CERT1: variants seen among roughly 807,000 people sequenced by gnomAD.
The protein encoded by CERT1 is ceramide transfer protein.
A neutral mutation model predicts 87.9 loss-of-function variants in CERT1; 31 were observed. The ratio of observed to expected loss-of-function variants is 0.35; its 90% confidence interval spans 0.27 to 0.48. CERT1 has a LOEUF of 0.48. CERT1 is among the 20% of genes least tolerant of loss of function. The probability of loss-of-function intolerance (pLI) is 0.99; values close to 1 mark genes in which losing one functional copy is unlikely to be tolerated. For missense variants in CERT1, 487 were observed against 758.0 expected (o/e 0.64, Z 4.20); for synonymous variants, 289 against 250.9 (o/e 1.15, Z -1.44).
At chr5:75,456,276 C>T (rs1338472261) in intron 3 of CERT1, among the ~76,000 whole-genome samples, 1 of 152,086 alleles carries the variant, frequency 6.6e-6, no homozygotes, top group Non-Finnish European at 1.5e-5. Context: ...ATAGGCTGCT[C>T]AGTTGGCATA....
rs1269395104 is a variant in CERT1, at chr5:75,426,383, G to C, written c.444C>G (p.Thr148=). Residue 148 remains threonine (T), a synonymous_variant, in exon 4 of 17, where the codon ACC becomes ACG. Transcript: ENST00000643780. Reference sequence around the variant, plus strand: ...ATTAACTACACACCTTGAATGAAGAGGTGGATGTTGCAGAGTAGCCACTTG... The same window carrying C: ...ATTAACTACACACCTTGAATGAAGACGTGGATGTTGCAGAGTAGCCACTTG... ...SGASGYSATS[T]SSFKKGHSLR... is the part of the protein sequence containing the mutation. 3.1e-6 allele frequency: 5 copies of C among 1,611,602 alleles called. No homozygotes were observed. The highest frequency in any genetic ancestry group is 4.2e-6 in the Non-Finnish European group (5 of 1,177,846).
Position 75,399,300 on chromosome 5 carries a change from C to G in CERT1, c.1188+10G>C. The G allele has an allele frequency of 6.3e-7, 1 of 1,586,152 alleles. No homozygotes were observed. The highest frequency in any genetic ancestry group is 8.7e-7 in the Non-Finnish European group (1 of 1,154,650). On this transcript the variant is annotated intron_variant, in intron 11 of 16. Transcript: ENST00000643780. ...AAGACTCAAGTCCACTCTATACATT[C>G]ATACAGTACCTGGGAGCTGAATCTG...
At chr5:75,404,291 TAAA>T (rs11349407) in intron 8 of CERT1, among the ~76,000 whole-genome samples, 3 of 84,064 alleles carry the variant, frequency 3.6e-5, no homozygotes, top group African/African-American at 8.7e-5. Context: ...ACCTACTTCA[TAAA>T]AAAAAAAAAA....
At chr5:75,504,157 G>A (rs1767544974) in intron 2 of CERT1, among the ~76,000 whole-genome samples, 1 of 151,872 alleles carries the variant, frequency 6.6e-6, no homozygotes, top group African/African-American at 2.4e-5. Context: ...GGGGAGTGGA[G>A]GATCAAGGAA....
intron 5 of CERT1, among the ~76,000 whole-genome samples, chr5:75,422,177 T>C (rs1763409519): frequency 6.6e-6 from 1 of 152,192 alleles, no homozygotes; most frequent in African/African-American, 2.4e-5. Flanking sequence ...ATTATTTCTT[T>C]TTTAAAGCTC....
chr5:75,424,570 CAA>C (rs201463470), intron 5 of CERT1, among the ~76,000 whole-genome samples: 1 of 77,394 alleles, frequency 1.3e-5, no homozygotes, highest in African/African-American at 5.0e-5. Context: ...GACTCTGTCT[CAA>C]AAAAAAAAAG....
Position 75,379,307 on chromosome 5 carries a change from TAA to T in CERT1, c.*37_*38del, listed in dbSNP as rs761526368. On this transcript the variant is annotated 3_prime_UTR_variant, in exon 17 of 17. Transcript: ENST00000643780. ...GACAGTCATATTAGTCAAATAAAGT[TAA>T]AAAAAGATAAAACATATCTTCTAGT... 5.2e-6 allele frequency: 8 copies of T among 1,545,342 alleles called. 1 individual carries two copies. Among genetic ancestry groups the T allele is most frequent in the Middle Eastern group, 1.7e-4 (1 of 5,820 alleles).
At chr5:75,421,694 C>T (rs1424428523) in intron 5 of CERT1, among the ~76,000 whole-genome samples, 2 of 152,162 alleles carry the variant, frequency 1.3e-5, no homozygotes, top group African/African-American at 4.8e-5. Context: ...CTAAATTAGT[C>T]CCCTGGCATA....
intron 2 of CERT1, among the ~76,000 whole-genome samples, chr5:75,469,939 T>C (rs904044282): frequency 2.0e-5 from 3 of 152,092 alleles, no homozygotes; most frequent in African/African-American, 7.2e-5. Context: ...TCAGATGAAA[T>C]AGACTTTAAG....
At chr5:75,422,507 T>C (rs1221471683) in intron 5 of CERT1, among the ~76,000 whole-genome samples, 3 of 152,062 alleles carry the variant, frequency 2.0e-5, no homozygotes, top group African/African-American at 7.2e-5. Flanking sequence ...TCCCAACTAC[T>C]TGGGAAGGCT....
intron 5 of CERT1, among the ~76,000 whole-genome samples, chr5:75,419,628 C>T (rs2112160294): frequency 6.6e-6 from 1 of 152,228 alleles, no homozygotes; most frequent in East Asian, 1.9e-4. Context: ...CTTAATCTCT[C>T]TCTCTCCCCT....
At chr5:75,407,716 T>C (rs1762770355) in intron 8 of CERT1, among the ~76,000 whole-genome samples, 1 of 152,066 alleles carries the variant, frequency 6.6e-6, no homozygotes, top group East Asian at 1.9e-4. Context: ...TAAACAACCA[T>C]TTCAGTACTG....
intron 8 of CERT1, among the ~76,000 whole-genome samples, chr5:75,405,806 T>C (rs192148133): frequency 8.1e-4 from 118 of 144,928 alleles, no homozygotes; most frequent in Middle Eastern, 8.1e-3. Context: ...TACATACATA[T>C]AGGAAAAAAC....
At chr5:75,374,608 C>G (rs1180664241), downstream of CERT1, 1 of 681,276 alleles carries the variant, frequency 1.5e-6, no homozygotes, top group Admixed American at 1.8e-5. Context: ...AAGGTCGCAG[C>G]AGTCAGGGAC....
intron 3 of CERT1, among the ~76,000 whole-genome samples, chr5:75,447,451 T>C (rs1004889458): frequency 6.6e-6 from 1 of 150,456 alleles, no homozygotes; most frequent in East Asian, 1.9e-4. Context: ...AAAAAATTTA[T>C]TTATTTATTT....
chr5:75,375,857 A>G (rs1761282749), downstream of CERT1: 1 of 151,780 alleles, frequency 6.6e-6, no homozygotes, highest in Admixed American at 6.6e-5. Flanking sequence ...TGTAAAAAAA[A>G]AAAAAAAGTT....
intron 2 of CERT1, among the ~76,000 whole-genome samples, chr5:75,466,408 A>G (rs753384943): frequency 3.9e-5 from 6 of 152,172 alleles, no homozygotes; most frequent in Non-Finnish European, 7.3e-5. Flanking sequence ...TCTTAGTTGT[A>G]TGAGGTGTCG....
At chr5:75,489,514 T>C (rs1743533339) in intron 2 of CERT1, among the ~76,000 whole-genome samples, 1 of 152,038 alleles carries the variant, frequency 6.6e-6, no homozygotes, top group Non-Finnish European at 1.5e-5. Context: ...AAATGGCCAA[T>C]ATGCAGAATC....
At chr5:75,428,979 C>T (rs1763748091) in intron 3 of CERT1, among the ~76,000 whole-genome samples, 1 of 151,726 alleles carries the variant, frequency 6.6e-6, no homozygotes, top group Non-Finnish European at 1.5e-5. Context: ...ATAAATGTTT[C>T]TAAATCCTAC....
Sources: allele counts gnomAD v4.1 joint callset (sites outside exome capture counted in the v4.1 genomes callset), GRCh38; gene constraint gnomAD v4.1.1; transcripts MANE v1.5; gene names NCBI Gene and HGNC (gene_info 2026-07-23, HGNC 2026-07-21).